Variants in KIRREL3 observed in about 807,000 individuals in gnomAD.
KIRREL3 encodes kirre like nephrin family adhesion molecule 3, also known as kin of IRRE-like protein 3.
A neutral mutation model predicts 89.7 loss-of-function variants in KIRREL3; 36 were observed. The observed-to-expected ratio is 0.40, with a 90% CI of 0.31 to 0.53. The LOEUF is 0.53. KIRREL3 is among the 20% of genes least tolerant of loss of function. The probability of loss-of-function intolerance (pLI) is 0.49; values close to 1 mark genes in which losing one functional copy is unlikely to be tolerated. For missense variants in KIRREL3, 864 were observed against 1,056.6 expected (o/e 0.82, Z 2.53); for synonymous variants, 445 against 441.4 (o/e 1.01, Z -0.10).
In KIRREL3 at chr11:126,615,570, A is replaced by G. The variant is rs1943309001; in HGVS notation, c.56-52658T>C. Among the ~76,000 whole-genome samples, 2 of 152,114 alleles carry G rather than the reference A, an allele frequency of 1.3e-5. No homozygotes were observed. Among genetic ancestry groups the G allele is most frequent in the African/African-American group, 4.8e-5 (2 of 41,442 alleles). On this transcript the variant is annotated intron_variant, in intron 1 of 16. Transcript: ENST00000525144. This position sits in a 1 kb window ranked among gnomAD's most constrained non-coding sequence, Gnocchi z 5.4. ...CCCACCAGGATCCTGGAGGTATTCAAGCTGAAGATAGACAACCACTTGGGG... is the reference window on the plus strand; with the variant it reads ...CCCACCAGGATCCTGGAGGTATTCAGGCTGAAGATAGACAACCACTTGGGG...
At chr11:126,895,598 G>A (rs1182686583) in intron 1 of KIRREL3, among the ~76,000 whole-genome samples, 1 of 152,134 alleles carries the variant, frequency 6.6e-6, no homozygotes, top group Non-Finnish European at 1.5e-5. Context: ...ATCCTTTTAA[G>A]GGAACTGAAG....
At chr11:126,702,453 A>G (rs1460227893) in intron 1 of KIRREL3, among the ~76,000 whole-genome samples, 1 of 152,180 alleles carries the variant, frequency 6.6e-6, no homozygotes, top group Admixed American at 6.5e-5. Flanking sequence ...CTCAAACCCC[A>G]GATGCTCCAA....
At chr11:126,717,665 C>A (rs1391901196) in intron 1 of KIRREL3, among the ~76,000 whole-genome samples, 1 of 152,194 alleles carries the variant, frequency 6.6e-6, no homozygotes, top group Non-Finnish European at 1.5e-5. Context: ...AGAGTCATTG[C>A]CAAACTAAGT....
Position 126,463,143 on chromosome 11 carries a change from G to A in KIRREL3, c.742+14C>T, listed in dbSNP as rs374287293. 2 of 1,610,854 alleles carry A rather than the reference G, an allele frequency of 1.2e-6. No homozygotes were observed. The highest frequency in any genetic ancestry group is 1.1e-5 in the South Asian group (1 of 90,790). ...CCTGGCAGGGCTGGGTTGGGGGAGG[G>A]GGTGGGTACTCACGCTGGATGTCAA... On this transcript the variant is annotated intron_variant, in intron 6 of 16. Transcript: ENST00000525144. The surrounding 1 kb of genome is among the most constrained non-coding windows in gnomAD (Gnocchi z 5.9).
rs1565545461 is a variant in KIRREL3 at position 126,553,113 on chromosome 11, C to T, written c.133+9722G>A. Among the ~76,000 whole-genome samples, 1 of 152,120 alleles carries T rather than the reference C, an allele frequency of 6.6e-6. No homozygotes were observed. Among genetic ancestry groups the T allele is most frequent in the African/African-American group, 2.4e-5 (1 of 41,416 alleles). On this transcript the variant is annotated intron_variant, in intron 2 of 16. Transcript: ENST00000525144. The surrounding 1 kb of genome is among the most constrained non-coding windows in gnomAD (Gnocchi z 4.7). ...CTTTTATGTCCCCATTTTAGACAACCAATATTTCAATAGCCTGTTGTATTT... is the reference window on the plus strand; with the variant it reads ...CTTTTATGTCCCCATTTTAGACAACTAATATTTCAATAGCCTGTTGTATTT...
In KIRREL3 at chr11:126,773,367, C is replaced by A. The variant is rs945800227; in HGVS notation, c.56-210455G>T. 6.6e-6 allele frequency among the ~76,000 whole-genome samples: 1 copy of A among 152,186 alleles called. No homozygotes were observed. The highest frequency in any genetic ancestry group is 2.4e-5 in the African/African-American group (1 of 41,450). On this transcript the variant is annotated intron_variant, in intron 1 of 16. Coordinates refer to ENST00000525144, the MANE Select transcript of KIRREL3 (RefSeq NM_032531.4). The surrounding 1 kb of genome is among the most constrained non-coding windows in gnomAD (Gnocchi z 4.2). ...CCTCACCCGAGCAAGAAGGAACTCT[C>A]CAGCAGACGACCTCTTGACTTGAAT...
chr11:126,472,962 G>C (rs1438571650), intron 5 of KIRREL3, among the ~76,000 whole-genome samples: 2 of 24,476 alleles, frequency 8.2e-5, no homozygotes, highest in African/African-American at 1.9e-4. Context: ...CCCCTCCCCA[G>C]CAGCCCCCCA....
intron 1 of KIRREL3, among the ~76,000 whole-genome samples, chr11:126,947,120 A>C (rs1948640715): frequency 6.6e-6 from 1 of 152,116 alleles, no homozygotes; most frequent in African/African-American, 2.4e-5. Context: ...CCTCCCTCAC[A>C]GTGTCCTTTT....
intron 1 of KIRREL3, among the ~76,000 whole-genome samples, chr11:126,735,968 T>C (rs1592048745): frequency 6.6e-6 from 1 of 152,348 alleles, no homozygotes; most frequent in Middle Eastern, 3.4e-3. Flanking sequence ...AGCAGAGGTC[T>C]GGGTTTATTC....
chr11:126,841,874 G>A (rs1400596514), intron 1 of KIRREL3, among the ~76,000 whole-genome samples: 1 of 152,120 alleles, frequency 6.6e-6, no homozygotes, highest in Non-Finnish European at 1.5e-5. Flanking sequence ...AAATCCTCCA[G>A]GAAAAGACAA....
At chr11:126,588,517 G>T (rs1305586857) in intron 1 of KIRREL3, among the ~76,000 whole-genome samples, 1 of 152,062 alleles carries the variant, frequency 6.6e-6, no homozygotes, top group Non-Finnish European at 1.5e-5. Flanking sequence ...GGGCCCTGAG[G>T]CAGGGAGGGG....
intron 10 of KIRREL3, among the ~76,000 whole-genome samples, chr11:126,442,313 AACACACAC>A (rs71984147): frequency 0.31 from 41,973 of 136,390 alleles, 6,834 homozygotes; most frequent in Middle Eastern, 0.37. Context: ...AGACACACAA[AACACACAC>A]ACACACACAC....
rs750993400 is a variant in KIRREL3, at chr11:126,708,974, C to G, written c.56-146062G>C. 1.3e-5 allele frequency among the ~76,000 whole-genome samples: 2 copies of G among 152,154 alleles called. No homozygotes were observed. The highest frequency in any genetic ancestry group is 2.9e-5 in the Non-Finnish European group (2 of 68,044). Reference sequence around the variant, plus strand: ...CTATCCCACTATTACTGTCCTGATCCGTGCTAATCCAACAGTTTCTGCCCC... The same window carrying G: ...CTATCCCACTATTACTGTCCTGATCGGTGCTAATCCAACAGTTTCTGCCCC... On this transcript the variant is annotated intron_variant, in intron 1 of 16. Coordinates refer to ENST00000525144, the MANE Select transcript of KIRREL3 (RefSeq NM_032531.4). This position sits in a 1 kb window ranked among gnomAD's most constrained non-coding sequence, Gnocchi z 5.7.
In KIRREL3 at chr11:126,912,025, A is replaced by G. The variant is rs1946842890; in HGVS notation, c.55+88430T>C. Among the ~76,000 whole-genome samples, 1 of 150,304 alleles carries G rather than the reference A, an allele frequency of 6.7e-6. No homozygotes were observed. Among genetic ancestry groups the G allele is most frequent in the Admixed American group, 6.6e-5 (1 of 15,114 alleles). Reference sequence around the variant, plus strand: ...AAAAGAACGGCAACTGGGATGACTCAGTAGAGACTGGGAAGGAAGCCCTGC... The same window carrying G: ...AAAAGAACGGCAACTGGGATGACTCGGTAGAGACTGGGAAGGAAGCCCTGC... On this transcript the variant is annotated intron_variant, in intron 1 of 16. Coordinates refer to ENST00000525144, the MANE Select transcript of KIRREL3 (RefSeq NM_032531.4). This position sits in a 1 kb window ranked among gnomAD's most constrained non-coding sequence, Gnocchi z 4.7.
intron 1 of KIRREL3, among the ~76,000 whole-genome samples, chr11:126,758,119 T>A (rs934870790): frequency 6.6e-6 from 1 of 152,184 alleles, no homozygotes; most frequent in Non-Finnish European, 1.5e-5. Context: ...TTAGTTGAGC[T>A]CTCCGATTTG....
rs1946811571 is a variant in KIRREL3 at position 126,689,833 on chromosome 11, G to T, written c.56-126921C>A. Among the ~76,000 whole-genome samples, 1 of 152,178 alleles carries T rather than the reference G, an allele frequency of 6.6e-6. No homozygotes were observed. Among genetic ancestry groups the T allele is most frequent in the Non-Finnish European group, 1.5e-5 (1 of 68,034 alleles). On this transcript the variant is annotated intron_variant, in intron 1 of 16. Transcript: ENST00000525144. The surrounding 1 kb of genome is among the most constrained non-coding windows in gnomAD (Gnocchi z 5.2). ...ATTTCACATGGCTGCACAGAGAATC[G>T]GTGCCCTTGGCAGGTAAGTGAATAA...
At chr11:126,548,806 GTCAA>G (rs1168466056) in intron 2 of KIRREL3, among the ~76,000 whole-genome samples, 1 of 152,188 alleles carries the variant, frequency 6.6e-6, no homozygotes, top group East Asian at 1.9e-4. Context: ...AGGGGTGACT[GTCAA>G]TCAAGGCAAT....
At position 126,719,705 on chromosome 11, in the gene KIRREL3, C is replaced by T. The variant is rs897592687; in HGVS notation, c.56-156793G>A. On this transcript the variant is annotated intron_variant, in intron 1 of 16. Coordinates refer to ENST00000525144, the MANE Select transcript of KIRREL3 (RefSeq NM_032531.4). The surrounding 1 kb of genome is among the most constrained non-coding windows in gnomAD (Gnocchi z 4.7). The stretch of plus-strand genomic sequence containing the variant: ...TAAGGCCACAACCTTAGAAGTCATC[C>T]CTGATGCCTTTCTCTAATACTTTAT... Among the ~76,000 whole-genome samples, 4 of 152,082 alleles carry T rather than the reference C, an allele frequency of 2.6e-5. No homozygotes were observed. Among genetic ancestry groups the T allele is most frequent in the Non-Finnish European group, 5.9e-5 (4 of 68,002 alleles).
rs774084086 is a variant in KIRREL3 at position 126,440,449 on chromosome 11, G to C, written c.1353C>G (p.Ile451Met). Residue 451 changes from isoleucine (I) to methionine (M), a missense_variant and splice_region_variant, in exon 11 of 17, where the codon ATC becomes ATG. Coordinates refer to ENST00000525144, the MANE Select transcript of KIRREL3 (RefSeq NM_032531.4). The part of the protein sequence containing the change: ...FIRSTPPPDR[I>M]AWSWKENVLE... ...CGCCCGCCGTCCCTGGAGCACTCAC[G>C]ATGCGGTCCGGCGGCGGCGTGCTCC... is the stretch of plus-strand genomic sequence containing the variant. 6.4e-7 allele frequency: 1 copy of C among 1,569,880 alleles called. No individual in the cohort carries two copies. The highest frequency in any genetic ancestry group is 8.6e-7 in the Non-Finnish European group (1 of 1,158,402).
Sources: allele counts gnomAD v4.1 joint callset (sites outside exome capture counted in the v4.1 genomes callset), GRCh38; gene constraint gnomAD v4.1.1; non-coding constraint Gnocchi (gnomAD v3.1); transcripts MANE v1.5; gene names NCBI Gene and HGNC (gene_info 2026-07-23, HGNC 2026-07-21).